The following LPAR1 variants were observed in gnomAD, a reference collection of about 807,000 sequenced individuals.
LPAR1 encodes LPA receptor 1.
Under a neutral mutation model 23.8 loss-of-function variants are expected in LPAR1, and 5 were observed. The ratio of observed to expected loss-of-function variants is 0.21; its 90% CI spans 0.11 to 0.44. The LOEUF (loss-of-function observed/expected upper bound fraction) is 0.44, where lower values mean the gene tolerates loss of function less well. Ranked by LOEUF, LPAR1 falls within the 20% of genes least tolerant of loss-of-function variation. The probability of loss-of-function intolerance (pLI) is 0.99; values close to 1 mark genes in which losing one functional copy is unlikely to be tolerated. For synonymous variants in LPAR1, 160 were observed against 164.7 expected (o/e 0.97, Z 0.22); for missense variants, 311 against 482.8 (o/e 0.64, Z 3.33).
chr9:111,015,596 A>G (rs2097428485), intron 2 of LPAR1, among the ~76,000 whole-genome samples: 1 of 152,150 alleles, frequency 6.6e-6, no homozygotes, highest in Non-Finnish European at 1.5e-5. Context: ...AAAGGGCACA[A>G]AGTTTCAGAC....
chr9:110,959,281 TGGAA>T (rs1295654392), intron 4 of LPAR1, among the ~76,000 whole-genome samples: 1 of 135,330 alleles, frequency 7.4e-6, no homozygotes, highest in East Asian at 2.1e-4. Context: ...AAGGTAAGGA[TGGAA>T]GGAAGGGAGG....
rs138867255 is a variant in LPAR1 at position 110,943,328 on chromosome 9, C to T, written c.46-1160G>A. On this transcript the variant is annotated intron_variant, in intron 4 of 5. Coordinates refer to ENST00000683809, the MANE Select transcript of LPAR1 (RefSeq NM_001351411.2). ...TTTTGCTTTGAATCTAATAAATTAC[C>T]CAAAACATATGACACTTTTAACCAC... Among the ~76,000 whole-genome samples the T allele has an allele frequency of 5.9e-5, 9 of 151,438 alleles. No individual in the cohort carries two copies. In the East Asian group the frequency reaches 1.7e-3, roughly 29 times the overall value.
rs577402529 is a variant in LPAR1, at chr9:110,934,548, A to G, written c.793+6873T>C. Reference sequence around the variant, plus strand: ...GTGGAATGCACCGTTCATACAAAGAAGAATCATAGTCCCTTATTTTTGTCC... The same window carrying G: ...GTGGAATGCACCGTTCATACAAAGAGGAATCATAGTCCCTTATTTTTGTCC... On this transcript the variant is annotated intron_variant, in intron 5 of 5. Transcript: ENST00000683809. The G allele has an allele frequency of 2.6e-5, 4 of 152,126 alleles. No homozygotes were observed. The East Asian group carries it at 7.7e-4, about 29-fold the overall frequency. 9.4% of individuals were successfully genotyped at this position (152,126 alleles called of 1,614,324 possible). A position where few individuals can be genotyped will look rare whatever the true frequency, so the allele number is the denominator to read the frequency against.
chr9:110,975,867 G>C (rs759021355), intron 2 of LPAR1, among the ~76,000 whole-genome samples: 8 of 152,120 alleles, frequency 5.3e-5, no homozygotes, highest in Non-Finnish European at 1.2e-4. Flanking sequence ...TAATTTTGTT[G>C]AACCTATTCA....
intron 2 of LPAR1, among the ~76,000 whole-genome samples, chr9:111,001,441 C>T (rs140259627): frequency 3.3e-5 from 5 of 152,092 alleles, no homozygotes; most frequent in African/African-American, 1.2e-4. Context: ...TTCAGAGGTA[C>T]ACAAAGTTTC....
At chr9:110,895,533 G>A (rs1029764736) in intron 5 of LPAR1, among the ~76,000 whole-genome samples, 8 of 152,232 alleles carry the variant, frequency 5.3e-5, no homozygotes, top group Admixed American at 2.0e-4. Flanking sequence ...GCCTGACCTA[G>A]TTGAGATGTT....
At position 111,033,780 on chromosome 9, in the gene LPAR1, T is replaced by C. The variant is rs865866308; in HGVS notation, c.-182+2342A>G. Among the ~76,000 whole-genome samples, 13 of 152,270 alleles carry C rather than the reference T, an allele frequency of 8.5e-5. No individual in the cohort carries two copies. The South Asian group carries it at 2.7e-3, about 32-fold the overall frequency. On this transcript the variant is annotated intron_variant, in intron 2 of 5. Transcript: ENST00000683809. ...GTTAGCCAGGCTGGTCTCAAACTCT[T>C]GACCTCAGGTGATCCACCCGCCTCA...
Position 110,905,049 on chromosome 9 carries a change from G to A in LPAR1, c.794-29327C>T, listed in dbSNP as rs184523185. Among the ~76,000 whole-genome samples the A allele has an allele frequency of 9.1e-4, 139 of 152,240 alleles. 1 individual carries two copies. Among genetic ancestry groups the A allele is most frequent in the African/African-American group, 3.2e-3 (134 of 41,536 alleles). ...TCATTTCTTTCCCACCTCTGGTAGG[G>A]AACACCAATAAGCAAAGCAGGGTCA... is the stretch of plus-strand genomic sequence containing the variant. On this transcript the variant is annotated intron_variant, in intron 5 of 5. Transcript: ENST00000683809.
At position 110,941,560 on chromosome 9, in the gene LPAR1, A is replaced by G. The variant is rs2095109137; in HGVS notation, c.654T>C (p.Phe218=). ...GAGCATAGAGAACCACCATTACCAC[A>G]AAGGTCACCAAGTTGAAAATGGCCC... ...VFWAIFNLVT[F]VVMVVLYAHI... Residue 218 remains phenylalanine, a synonymous_variant, in exon 5 of 6, where the codon TTT becomes TTC. Transcript: ENST00000683809. This position sits in a 1 kb window ranked among gnomAD's most constrained non-coding sequence, Gnocchi z 6.1. The G allele has an allele frequency of 6.2e-7, 1 of 1,614,060 alleles. No homozygotes were observed. Among genetic ancestry groups the G allele is most frequent in the Non-Finnish European group, 8.5e-7 (1 of 1,180,018 alleles).
intron 2 of LPAR1, among the ~76,000 whole-genome samples, chr9:110,976,461 C>A (rs1196661815): frequency 6.6e-6 from 1 of 152,118 alleles, no homozygotes. Context: ...GCCGAGATTG[C>A]ACCACTGCAC....
chr9:110,967,433 T>C (rs2137848112), intron 4 of LPAR1, among the ~76,000 whole-genome samples: 1 of 152,344 alleles, frequency 6.6e-6, no homozygotes, highest in East Asian at 1.9e-4. Context: ...CGTTTATATG[T>C]AGTATTAGGC....
At chr9:110,876,171 T>C (rs1445015429) in intron 5 of LPAR1, among the ~76,000 whole-genome samples, 1 of 152,212 alleles carries the variant, frequency 6.6e-6, no homozygotes, top group Non-Finnish European at 1.5e-5. Flanking sequence ...AATCTTTGTT[T>C]GACATGTAAT....
chr9:110,975,865 T>C (rs558496716), intron 2 of LPAR1, among the ~76,000 whole-genome samples: 2 of 152,350 alleles, frequency 1.3e-5, no homozygotes, highest in South Asian at 4.1e-4. Flanking sequence ...TCTAATTTTG[T>C]TGAACCTATT....
At chr9:111,009,996 AAAATATATATAT>A (rs1237479308) in intron 2 of LPAR1, among the ~76,000 whole-genome samples, 4 of 108,960 alleles carry the variant, frequency 3.7e-5, no homozygotes, top group African/African-American at 1.5e-4. Context: ...CATAATTAGG[AAAATATATATAT>A]ATATATATAT....
chr9:110,971,465 G>A (rs2096416671), intron 4 of LPAR1, among the ~76,000 whole-genome samples: 1 of 152,254 alleles, frequency 6.6e-6, no homozygotes, highest in South Asian at 2.1e-4. Context: ...ATCTGAAAGA[G>A]TCCAGCCAAT....
intron 2 of LPAR1, among the ~76,000 whole-genome samples, chr9:111,029,178 A>T (rs1250060029): frequency 6.6e-6 from 1 of 152,208 alleles, no homozygotes; most frequent in Non-Finnish European, 1.5e-5. Context: ...CTTATCACAC[A>T]CATTTTACTG....
intron 5 of LPAR1, among the ~76,000 whole-genome samples, chr9:110,908,169 G>A (rs999891815): frequency 6.6e-6 from 1 of 150,614 alleles, no homozygotes; most frequent in Non-Finnish European, 1.5e-5. Flanking sequence ...ATTTAAACTA[G>A]GAACTAAAGT....
intron 2 of LPAR1, among the ~76,000 whole-genome samples, chr9:111,025,328 T>C (rs1405763226): frequency 1.3e-5 from 2 of 152,258 alleles, no homozygotes; most frequent in East Asian, 1.9e-4. Context: ...CATAAGTCTG[T>C]TGGCTGCATA....
At chr9:110,921,664 T>G (rs1476611907) in intron 5 of LPAR1, among the ~76,000 whole-genome samples, 1 of 152,188 alleles carries the variant, frequency 6.6e-6, no homozygotes, top group Non-Finnish European at 1.5e-5. Flanking sequence ...ATTTTCCGGG[T>G]TGATACTCCA....
Sources: allele counts gnomAD v4.1 joint callset (sites outside exome capture counted in the v4.1 genomes callset), GRCh38; gene constraint gnomAD v4.1.1; non-coding constraint Gnocchi (gnomAD v3.1); transcripts MANE v1.5; gene names NCBI Gene and HGNC (gene_info 2026-07-23, HGNC 2026-07-21).